TBC1D2B: variants seen among roughly 807,000 people sequenced by gnomAD.
TBC1D2B encodes the protein TBC1 domain family, member 2B.
A neutral mutation model predicts 100.8 loss-of-function variants in TBC1D2B; 64 were observed. That is an observed-to-expected ratio of 0.64 (90% CI 0.52 to 0.78). TBC1D2B has a LOEUF of 0.78. Among genes scored for constraint, TBC1D2B ranks in the 30% least tolerant of loss-of-function variants. The pLI is 0.00. For missense variants in TBC1D2B, 1,052 were observed against 1,218.4 expected (o/e 0.86, Z 2.03); for synonymous variants, 480 against 479.7 (o/e 1.00, Z -0.01).
intron 1 of TBC1D2B, among the ~76,000 whole-genome samples, chr15:78,055,098 CT>C: frequency 6.6e-6 from 1 of 152,284 alleles, no homozygotes; most frequent in Middle Eastern, 3.4e-3. Context: ...TATGATGCCA[CT>C]TATGTAACAC....
At chr15:78,062,497 A>G (rs2073568120) in intron 1 of TBC1D2B, among the ~76,000 whole-genome samples, 1 of 152,242 alleles carries the variant, frequency 6.6e-6, no homozygotes. Flanking sequence ...TATATTTCAA[A>G]TAATAACAAT....
In TBC1D2B at chr15:77,996,813, T is replaced by C. The variant is rs1054371557; in HGVS notation, c.*1347A>G. The C allele has an allele frequency of 6.6e-6, 1 of 152,226 alleles. No homozygotes were observed. Among genetic ancestry groups the C allele is most frequent in the Non-Finnish European group, 1.5e-5 (1 of 68,052 alleles). 9.4% of individuals were successfully genotyped at this position (152,226 alleles called of 1,614,324 possible). A position where few individuals can be genotyped will look rare whatever the true frequency, so the allele number is the denominator to read the frequency against. ...AGTTTTTTTCGGGTAATATGAAACA[T>C]TCCACTGAGATCATTTATCTTGTAT... On this transcript the variant is annotated 3_prime_UTR_variant, in exon 13 of 13. Transcript: ENST00000300584.
At chr15:78,015,515 C>G (rs191888118) in intron 8 of TBC1D2B, among the ~76,000 whole-genome samples, 2 of 152,272 alleles carry the variant, frequency 1.3e-5, no homozygotes, top group East Asian at 3.9e-4. Context: ...CGTTTAGAAG[C>G]GCTCCAAGAG....
chr15:78,034,532 A>G, intron 3 of TBC1D2B: 8 of 985,432 alleles, frequency 8.1e-6, no homozygotes, highest in Non-Finnish European at 9.6e-6. Context: ...GGGTGAATGC[A>G]GGAAAGAGAA....
chr15:78,027,302 G>A (rs1309997089), intron 4 of TBC1D2B, among the ~76,000 whole-genome samples: 1 of 152,182 alleles, frequency 6.6e-6, no homozygotes, highest in Non-Finnish European at 1.5e-5. Flanking sequence ...CCTCCTTCTT[G>A]AAGTGAGTGC....
intron 1 of TBC1D2B, among the ~76,000 whole-genome samples, chr15:78,069,401 A>C (rs547725392): frequency 6.6e-6 from 1 of 152,356 alleles, no homozygotes; most frequent in African/African-American, 2.4e-5. Flanking sequence ...CAACTGCTCA[A>C]GATAGGTTCA....
intron 3 of TBC1D2B, among the ~76,000 whole-genome samples, chr15:78,030,832 AT>A (rs1437891673): frequency 6.6e-6 from 1 of 152,238 alleles, no homozygotes; most frequent in Non-Finnish European, 1.5e-5. Context: ...CAACCTAAAC[AT>A]TCATGAACAG....
At chr15:78,042,425 G>A (rs1567026876) in intron 3 of TBC1D2B, among the ~76,000 whole-genome samples, 1 of 151,388 alleles carries the variant, frequency 6.6e-6, no homozygotes, top group Non-Finnish European at 1.5e-5. Context: ...ATGTGATCTT[G>A]AGCAAGTCAC....
chr15:77,995,736 A>C lies in TBC1D2B; in HGVS notation c.*2424T>G, dbSNP rs35789007. The C allele has an allele frequency of 6.6e-6, 1 of 152,496 alleles. No individual in the cohort carries two copies. The highest frequency in any genetic ancestry group is 1.5e-5 in the Non-Finnish European group (1 of 68,076). 9.4% of individuals were successfully genotyped at this position (152,496 alleles called of 1,614,324 possible). A position where few individuals can be genotyped will look rare whatever the true frequency, so the allele number is the denominator to read the frequency against. On this transcript the variant is annotated 3_prime_UTR_variant, in exon 13 of 13. Transcript: ENST00000300584. The stretch of plus-strand genomic sequence containing the variant: ...GGAGCTCCCCTCGGTCCTGGTGCGC[A>C]CGTTTGGACAGGCCTTTGGGTTTCC...
chr15:78,017,956 T>C lies in TBC1D2B; in HGVS notation c.1472A>G (p.Asp491Gly). Reference protein sequence around the residue: ...RDQLELDRLKDNLQGYKTQNK... With the variant: ...RDQLELDRLKGNLQGYKTQNK... The stretch of plus-strand genomic sequence containing the variant: ...TTGGGTTTTGTACCCCTGTAGATTA[T>C]CCTGTTAGAAAAAAAAAAAATCCCT... Residue 491 changes from aspartate to glycine, a missense_variant and splice_region_variant, in exon 7 of 13, where the codon GAT (aspartate) becomes GGT (glycine). By Grantham distance (94) the Asp-to-Gly change is moderately conservative. Coordinates refer to ENST00000300584, the MANE Select transcript of TBC1D2B (RefSeq NM_144572.2). The C allele has an allele frequency of 6.5e-7, 1 of 1,546,818 alleles. No individual in the cohort carries two copies. Among genetic ancestry groups the C allele is most frequent in the Admixed American group, 1.9e-5 (1 of 52,206 alleles).
chr15:78,035,791 A>G (rs1170248570), intron 3 of TBC1D2B, among the ~76,000 whole-genome samples: 2 of 152,274 alleles, frequency 1.3e-5, no homozygotes, highest in African/African-American at 4.8e-5. Flanking sequence ...GTCCATGGCT[A>G]GGAAACTGCT....
intron 6 of TBC1D2B, among the ~76,000 whole-genome samples, chr15:78,020,161 G>GT (rs1324886820): frequency 1.3e-5 from 2 of 152,206 alleles, no homozygotes; most frequent in Admixed American, 1.3e-4. Context: ...GGGATTACAG[G>GT]TATGAGCTAT....
rs918756508 is a variant in TBC1D2B, at chr15:78,036,407, G to A, written c.684-6237C>T. 4.6e-5 allele frequency among the ~76,000 whole-genome samples: 7 copies of A among 152,244 alleles called. No homozygotes were observed. In the East Asian group the frequency reaches 1.2e-3, roughly 25 times the overall value. Reference sequence around the variant, plus strand: ...GTTGAAATGTAATAATCATTGTGACGGTATTAAGAGGTGGGACCATTAAGA... The same window carrying A: ...GTTGAAATGTAATAATCATTGTGACAGTATTAAGAGGTGGGACCATTAAGA... On this transcript the variant is annotated intron_variant, in intron 3 of 12. Transcript: ENST00000300584.
intron 1 of TBC1D2B, among the ~76,000 whole-genome samples, chr15:78,071,475 G>C (rs2073742243): frequency 6.6e-6 from 1 of 152,156 alleles, no homozygotes; most frequent in Admixed American, 6.5e-5. Context: ...TAAAAAGTTT[G>C]CCTCTGCTAT....
At chr15:78,032,421 T>A (rs1039624467) in intron 3 of TBC1D2B, among the ~76,000 whole-genome samples, 72 of 151,256 alleles carry the variant, frequency 4.8e-4, no homozygotes, top group African/African-American at 1.7e-3. Flanking sequence ...AAAAAAAATA[T>A]ATATATATAT....
chr15:78,037,146 C>A lies in TBC1D2B; in HGVS notation c.684-6976G>T, dbSNP rs113229846. Reference sequence around the variant, plus strand: ...TACAGCTCCACAGGTTCCCTACTGTCCAAAGGGCAGACACCCCCACCCCTT... The same window carrying A: ...TACAGCTCCACAGGTTCCCTACTGTACAAAGGGCAGACACCCCCACCCCTT... On this transcript the variant is annotated intron_variant, in intron 3 of 12. Coordinates refer to ENST00000300584, the MANE Select transcript of TBC1D2B (RefSeq NM_144572.2). Among the ~76,000 whole-genome samples, 4 of 152,188 alleles carry A rather than the reference C, an allele frequency of 2.6e-5. 1 individual carries two copies. Among genetic ancestry groups the A allele is most frequent in the South Asian group, 2.1e-4 (1 of 4,820 alleles).
At chr15:78,001,918 T>G in intron 11 of TBC1D2B, 178 bp from the exon 12 acceptor site, 1 of 578,666 alleles carries the variant, frequency 1.7e-6, no homozygotes, top group Non-Finnish European at 2.8e-6. Context: ...CCAAGACTCC[T>G]TTATTACAGG....
Position 78,062,825 on chromosome 15 carries a change from C to T in TBC1D2B, c.361-8638G>A, listed in dbSNP as rs189589525. 5.7e-3 allele frequency among the ~76,000 whole-genome samples: 872 copies of T among 152,302 alleles called. 8 individuals carry two copies. Among genetic ancestry groups the T allele is most frequent in the African/African-American group, 0.018 (751 of 41,568 alleles). On this transcript the variant is annotated intron_variant, in intron 1 of 12. Coordinates refer to ENST00000300584, the MANE Select transcript of TBC1D2B (RefSeq NM_144572.2). Reference sequence around the variant, plus strand: ...ACACTATGCTTTCGCTTTATACACACTGTCATTTAACCCTCGTAACTAACT... The same window carrying T: ...ACACTATGCTTTCGCTTTATACACATTGTCATTTAACCCTCGTAACTAACT...
intron 9 of TBC1D2B, among the ~76,000 whole-genome samples, chr15:78,009,456 C>T (rs2072160883): frequency 6.6e-6 from 1 of 151,940 alleles, no homozygotes; most frequent in Admixed American, 6.6e-5. Flanking sequence ...AGGAGGATCA[C>T]TTGAGCCCAG....
Sources: gnomAD v4.1 joint callset for allele counts (sites outside exome capture counted in the v4.1 genomes callset) on GRCh38, gnomAD v4.1.1 for gene constraint, MANE v1.5 for transcripts, NCBI Gene and HGNC (gene_info 2026-07-23, HGNC 2026-07-21) for gene names.